Variants in SCOC observed in about 807,000 individuals in gnomAD.
SCOC encodes the protein short coiled coil protein.
Under a neutral mutation model 9.9 loss-of-function variants are expected in SCOC, and 7 were observed. The ratio of observed to expected loss-of-function variants is 0.71; its 90% CI spans 0.40 to 1.33. The LOEUF is 1.33. SCOC is among the 40% of genes most tolerant of loss of function. The pLI is 0.01. For synonymous variants in SCOC, 19 were observed against 28.2 expected, an observed-to-expected ratio of 0.67 and a Z score of 1.03; for missense variants, 66 against 89.7, an observed-to-expected ratio of 0.74 and a Z score of 1.07.
At chr4:140,318,997 C>T (rs1034249226) in intron 1 of SCOC, among the ~76,000 whole-genome samples, 3 of 152,142 alleles carry the variant, frequency 2.0e-5, no homozygotes, top group Non-Finnish European at 4.4e-5. Flanking sequence ...TCCAGTTATC[C>T]TTTTTGTTTC....
intron 1 of SCOC, among the ~76,000 whole-genome samples, chr4:140,264,463 T>A (rs1036790105): frequency 2.0e-5 from 3 of 152,210 alleles, no homozygotes; most frequent in Non-Finnish European, 2.9e-5. Flanking sequence ...TTCATACGTA[T>A]AAAGATCTTA....
intron 1 of SCOC, among the ~76,000 whole-genome samples, chr4:140,296,368 T>G (rs1731636779): frequency 6.6e-6 from 1 of 152,196 alleles, no homozygotes; most frequent in African/African-American, 2.4e-5. Flanking sequence ...TTTTCAGAAC[T>G]ACTAAGGGTG....
intron 2 of SCOC, among the ~76,000 whole-genome samples, chr4:140,362,313 T>TCTTCTTCTTCTTCTTCTTCCTCTTCCTCC (rs1727594134): frequency 1.2e-5 from 1 of 84,180 alleles, no homozygotes; most frequent in Non-Finnish European, 2.7e-5. Context: ...TTTTTTTTTT[T>TCTTCTTCTTCTTCTTCTTCCTCTTCCTCC]TTGTGAGAGT....
intron 1 of SCOC, among the ~76,000 whole-genome samples, chr4:140,315,657 C>A (rs1306405372): frequency 6.6e-6 from 1 of 152,226 alleles, no homozygotes; most frequent in Non-Finnish European, 1.5e-5. Context: ...GACCCCTGCA[C>A]TGTCTAGTGG....
intron 1 of SCOC, 193 bp downstream of exon 1, chr4:140,373,910 C>T: frequency 1.4e-6 from 1 of 716,790 alleles, no homozygotes; most frequent in Non-Finnish European, 2.5e-6. Context: ...CTTGCGCGAC[C>T]TCTTTTTCTC....
chr4:140,335,633 T>A (rs192152194), intron 1 of SCOC, among the ~76,000 whole-genome samples: 3 of 152,296 alleles, frequency 2.0e-5, no homozygotes, highest in Middle Eastern at 3.4e-3. Context: ...ATCTCCTGAT[T>A]GCATACACTC....
At chr4:140,367,699 A>C (rs1357156470) in intron 2 of SCOC, among the ~76,000 whole-genome samples, 1 of 152,194 alleles carries the variant, frequency 6.6e-6, no homozygotes, top group Non-Finnish European at 1.5e-5. Context: ...TATTTTTATA[A>C]AATTTTAGTG....
rs1730672289 is a variant in SCOC, at chr4:140,263,412, T to A, written c.-19+6002T>A. 3.9e-5 allele frequency among the ~76,000 whole-genome samples: 6 copies of A among 152,180 alleles called. No homozygotes were observed. In the South Asian group the frequency reaches 1.2e-3, roughly 32 times the overall value. ...TGAGCATGAGGCCGGGGACTCTGCA[T>A]TCCACATCTGTGCTCAGAGACTCTC... On this transcript the variant is annotated intron_variant, in intron 1 of 4. Coordinates refer to the SCOC transcript ENST00000394205.
At chr4:140,345,181 A>G (rs770542005) in intron 2 of SCOC, among the ~76,000 whole-genome samples, 36 of 152,164 alleles carry the variant, frequency 2.4e-4, no homozygotes, top group Non-Finnish European at 4.6e-4. Flanking sequence ...CTGAAGAACT[A>G]GGAAAGAGTG....
chr4:140,366,267 T>TAGA, intron 2 of SCOC: 6 of 1,357,938 alleles, frequency 4.4e-6, no homozygotes, highest in South Asian at 3.9e-5. Context: ...AGCAGGTGCT[T>TAGA]TCTGGGCTGG....
intron 1 of SCOC, among the ~76,000 whole-genome samples, chr4:140,322,387 A>T (rs892395059): frequency 1.3e-5 from 2 of 152,170 alleles, no homozygotes; most frequent in Non-Finnish European, 2.9e-5. Context: ...CTTCTTAGAG[A>T]TTACTCAAGT....
chr4:140,288,278 C>T (rs1361634720), intron 1 of SCOC, among the ~76,000 whole-genome samples: 2 of 152,016 alleles, frequency 1.3e-5, no homozygotes, highest in Non-Finnish European at 1.5e-5. Context: ...CGTAGACAAA[C>T]ACATCATATA....
chr4:140,357,495 T>C (rs1198077279), intron 2 of SCOC, among the ~76,000 whole-genome samples: 2 of 152,236 alleles, frequency 1.3e-5, no homozygotes, highest in Non-Finnish European at 2.9e-5. Context: ...GTGTATCTGA[T>C]TTGACTCTCA....
At chr4:140,314,148 T>C (rs1279420374) in intron 1 of SCOC, 2 of 192,774 alleles carry the variant, frequency 1.0e-5, no homozygotes, top group African/African-American at 2.3e-5. Flanking sequence ...ATGGTCATCA[T>C]TGCCATTGCC....
At chr4:140,350,261 G>A (rs1437160119) in intron 2 of SCOC, among the ~76,000 whole-genome samples, 2 of 151,884 alleles carry the variant, frequency 1.3e-5, no homozygotes, top group Middle Eastern at 3.4e-3. Context: ...TTTTTTCATA[G>A]TATATGAACA....
chr4:140,262,528 A>G (rs1478775925), intron 1 of SCOC, among the ~76,000 whole-genome samples: 1 of 152,100 alleles, frequency 6.6e-6, no homozygotes, highest in Non-Finnish European at 1.5e-5. Context: ...GTCTTTCTAT[A>G]TCTTCTCCTG....
At chr4:140,289,137 C>A (rs1262934027) in intron 1 of SCOC, among the ~76,000 whole-genome samples, 1 of 152,132 alleles carries the variant, frequency 6.6e-6, no homozygotes, top group Non-Finnish European at 1.5e-5. Context: ...CCTTTGGGGA[C>A]CAGAACTCTA....
intron 1 of SCOC, among the ~76,000 whole-genome samples, chr4:140,324,630 A>G (rs1486140799): frequency 6.6e-6 from 1 of 152,148 alleles, no homozygotes. Context: ...AGTCTATTAA[A>G]ACATGTGCAT....
At position 140,385,468 on chromosome 4, in the gene SCOC, T is replaced by C. The variant is rs1578894332; in HGVS notation, c.*4364T>C. 1 of 152,172 alleles carries C rather than the reference T, an allele frequency of 6.6e-6. No individual in the cohort carries two copies. Among genetic ancestry groups the C allele is most frequent in the East Asian group, 1.9e-4 (1 of 5,200 alleles). 9.4% of individuals were successfully genotyped at this position (152,172 alleles called of 1,614,324 possible). On this transcript the variant is annotated 3_prime_UTR_variant, in exon 4 of 4. Coordinates refer to ENST00000608372, the MANE Select transcript of SCOC (RefSeq NM_001153484.2). The stretch of plus-strand genomic sequence containing the variant: ...AGGAAAATCTTTAACTTTTCAGAGA[T>C]TTTTGGTCATGGAATTGTAGCAACA...
Sources: allele counts gnomAD v4.1 joint callset (sites outside exome capture counted in the v4.1 genomes callset), GRCh38; gene constraint gnomAD v4.1.1; transcripts MANE v1.5; gene names NCBI Gene and HGNC (gene_info 2026-07-23, HGNC 2026-07-21).